KCNJ3: variants seen among roughly 807,000 people sequenced by gnomAD.
The protein encoded by KCNJ3 is G protein-activated inward rectifier potassium channel 1.
Under a neutral mutation model 39.2 loss-of-function variants are expected in KCNJ3, and 4 were observed. The observed-to-expected ratio is 0.10, with a 90% CI of 0.05 to 0.23. The LOEUF (loss-of-function observed/expected upper bound fraction) is 0.23, where lower values mean the gene tolerates loss of function less well. KCNJ3 is among the 10% of genes least tolerant of loss of function. KCNJ3 has a pLI of 1.00. For missense variants in KCNJ3, 276 were observed against 634.9 expected (o/e 0.43, Z 6.08); for synonymous variants, 230 against 237.4 (o/e 0.97, Z 0.29).
intron 2 of KCNJ3, among the ~76,000 whole-genome samples, chr2:154,802,641 C>T (rs1686839232): frequency 6.6e-6 from 1 of 152,046 alleles, no homozygotes; most frequent in African/African-American, 2.4e-5. Flanking sequence ...TTTACATTCC[C>T]AGTTCTCTTT....
At chr2:154,751,579 G>A (rs185723845) in intron 2 of KCNJ3, among the ~76,000 whole-genome samples, 8 of 152,006 alleles carry the variant, frequency 5.3e-5, no homozygotes, top group Non-Finnish European at 8.8e-5. Flanking sequence ...AGGCTGAAAG[G>A]TTAAAGCAGT....
At chr2:154,765,690 G>T (rs1160929944) in intron 2 of KCNJ3, among the ~76,000 whole-genome samples, 2 of 152,130 alleles carry the variant, frequency 1.3e-5, no homozygotes, top group Admixed American at 6.5e-5. Context: ...CCTTAACTGG[G>T]TGCCACAGCA....
At chr2:154,800,642 C>G (rs1686803379) in intron 2 of KCNJ3, among the ~76,000 whole-genome samples, 18 of 152,124 alleles carry the variant, frequency 1.2e-4, no homozygotes, top group Admixed American at 1.2e-3. Flanking sequence ...TTTCTGCCAA[C>G]CTCTTTATAC....
intron 2 of KCNJ3, among the ~76,000 whole-genome samples, chr2:154,745,825 C>T (rs1246988982): frequency 6.6e-6 from 1 of 151,938 alleles, no homozygotes; most frequent in Non-Finnish European, 1.5e-5. Context: ...ACTACTTGAA[C>T]AGAGAAAGGT....
intron 2 of KCNJ3, among the ~76,000 whole-genome samples, chr2:154,853,442 G>A (rs1687788737): frequency 6.6e-6 from 1 of 151,952 alleles, no homozygotes; most frequent in Admixed American, 6.6e-5. Context: ...ACTATGCCAG[G>A]CTTAAAAACA....
intron 2 of KCNJ3, among the ~76,000 whole-genome samples, chr2:154,797,128 A>G (rs1364588591): frequency 1.3e-5 from 2 of 152,206 alleles, no homozygotes; most frequent in Non-Finnish European, 2.9e-5. Context: ...ACTGAGAGAC[A>G]CAATGCACCA....
intron 2 of KCNJ3, among the ~76,000 whole-genome samples, chr2:154,816,884 C>T (rs1173572599): frequency 6.6e-6 from 1 of 152,228 alleles, no homozygotes; most frequent in East Asian, 1.9e-4. Context: ...CTATCCTTAT[C>T]GCAATTTCTC....
At chr2:154,842,449 A>G (rs1315643070) in intron 2 of KCNJ3, among the ~76,000 whole-genome samples, 1 of 152,176 alleles carries the variant, frequency 6.6e-6, no homozygotes. Context: ...GTAGATGTCT[A>G]TTAGGTCTGC....
At chr2:154,826,971 C>G (rs1467040252) in intron 2 of KCNJ3, among the ~76,000 whole-genome samples, 3 of 152,072 alleles carry the variant, frequency 2.0e-5, no homozygotes, top group Non-Finnish European at 4.4e-5. Flanking sequence ...TTGGGGACCT[C>G]TAGGCATCTT....
At chr2:154,820,912 G>T (rs1687160841) in intron 2 of KCNJ3, among the ~76,000 whole-genome samples, 1 of 152,012 alleles carries the variant, frequency 6.6e-6, no homozygotes. Flanking sequence ...TAGAGTAAAG[G>T]GTTGGTGCTC....
chr2:154,768,655 G>T (rs1224078640), intron 2 of KCNJ3, among the ~76,000 whole-genome samples: 1 of 152,172 alleles, frequency 6.6e-6, no homozygotes, highest in Non-Finnish European at 1.5e-5. Flanking sequence ...GCTTAGGATT[G>T]TCTTGGCAAT....
At position 154,813,598 on chromosome 2, in the gene KCNJ3, A is replaced by G. The variant is rs555834463; in HGVS notation, c.920-41129A>G. 5.3e-5 allele frequency among the ~76,000 whole-genome samples: 8 copies of G among 152,254 alleles called. No homozygotes were observed. The East Asian group carries it at 1.5e-3, about 29-fold the overall frequency. ...GCCACTTTTCAAGACATTTGTTATT[A>G]TTTGGGATGTTTTATCATTGGTTTA... On this transcript the variant is annotated intron_variant, in intron 2 of 2. Transcript: ENST00000295101.
chr2:154,787,599 G>A (rs1455391843), intron 2 of KCNJ3, among the ~76,000 whole-genome samples: 2 of 151,632 alleles, frequency 1.3e-5, no homozygotes, highest in Non-Finnish European at 2.9e-5. Flanking sequence ...AAACTTTTCC[G>A]AGTCCAATTC....
At chr2:154,708,562 T>A (rs1298353717) in intron 1 of KCNJ3, among the ~76,000 whole-genome samples, 1 of 152,112 alleles carries the variant, frequency 6.6e-6, no homozygotes, top group Non-Finnish European at 1.5e-5. Flanking sequence ...CTTCCCCCCA[T>A]TTTTTTCTGT....
intron 2 of KCNJ3, among the ~76,000 whole-genome samples, chr2:154,824,137 C>G (rs1440379784): frequency 6.6e-6 from 1 of 152,064 alleles, no homozygotes; most frequent in Non-Finnish European, 1.5e-5. Flanking sequence ...GAGTTGGAGA[C>G]CAGCCTGAGC....
chr2:154,764,626 C>A (rs1316393285), intron 2 of KCNJ3, among the ~76,000 whole-genome samples: 4 of 152,042 alleles, frequency 2.6e-5, no homozygotes, highest in Non-Finnish European at 4.4e-5. Context: ...TTTTGGCTTC[C>A]CTGGGCTACA....
chr2:154,739,504 T>C (rs1685606852), intron 2 of KCNJ3, among the ~76,000 whole-genome samples: 1 of 152,044 alleles, frequency 6.6e-6, no homozygotes, highest in Non-Finnish European at 1.5e-5. Flanking sequence ...GCCTTCCTTA[T>C]TACCACTTGG....
intron 2 of KCNJ3, among the ~76,000 whole-genome samples, chr2:154,797,032 G>A (rs2105214204): frequency 6.6e-6 from 1 of 152,260 alleles, no homozygotes; most frequent in South Asian, 2.1e-4. Flanking sequence ...TGTACAAGGT[G>A]TAGGAGGAGA....
intron 2 of KCNJ3, among the ~76,000 whole-genome samples, chr2:154,795,889 C>A (rs975361730): frequency 1.6e-4 from 24 of 151,984 alleles, no homozygotes; most frequent in Admixed American, 1.3e-4. Context: ...TGGATTTTGA[C>A]GAGTTGGATT....
Sources: gnomAD v4.1 joint callset for allele counts (sites outside exome capture counted in the v4.1 genomes callset) on GRCh38, gnomAD v4.1.1 for gene constraint, MANE v1.5 for transcripts, NCBI Gene and HGNC (gene_info 2026-07-23, HGNC 2026-07-21) for gene names.